The following ARID4B variants were observed in gnomAD, a reference collection of about 807,000 sequenced individuals.
ARID4B encodes the protein AT-rich interactive domain-containing protein 4B.
In ARID4B, 26 loss-of-function variants were observed where a neutral mutation model predicts 147.5. The ratio of observed to expected loss-of-function variants is 0.18; its 90% CI spans 0.13 to 0.24. ARID4B has a LOEUF of 0.24. ARID4B is among the 10% of genes least tolerant of loss of function. The pLI is 1.00. For missense variants in ARID4B, 1,179 were observed against 1,511.5 expected (o/e 0.78, Z 3.65); for synonymous variants, 512 against 507.9 (o/e 1.01, Z -0.11).
intron 7 of ARID4B, among the ~76,000 whole-genome samples, chr1:235,243,625 C>T (rs1001402833): frequency 6.6e-6 from 1 of 152,044 alleles, no homozygotes; most frequent in Non-Finnish European, 1.5e-5. Context: ...TCAAGAAAGA[C>T]GAACTTTAGA....
intron 7 of ARID4B, among the ~76,000 whole-genome samples, chr1:235,244,722 CA>C (rs1449302397): frequency 6.6e-6 from 1 of 152,166 alleles, no homozygotes; most frequent in Non-Finnish European, 1.5e-5. Flanking sequence ...GATAACTTTA[CA>C]TATCTTTGTA....
At chr1:235,229,511 G>T in intron 10 of ARID4B, 126 bp from the exon 11 acceptor site, 1 of 690,240 alleles carries the variant, frequency 1.4e-6, no homozygotes, top group Non-Finnish European at 2.4e-6. Context: ...TGTTTGCTAT[G>T]TACCAGAAAC....
At chr1:235,202,032 A>G (rs1665973739) in intron 17 of ARID4B, among the ~76,000 whole-genome samples, 1 of 150,404 alleles carries the variant, frequency 6.6e-6, no homozygotes. Flanking sequence ...ATATATACAC[A>G]ATATATACAT....
intron 2 of ARID4B, among the ~76,000 whole-genome samples, chr1:235,326,561 T>C (rs918250853): frequency 2.0e-5 from 3 of 152,248 alleles, no homozygotes; most frequent in African/African-American, 7.2e-5. Context: ...CTTTCATCAG[T>C]GTAACTGATA....
intron 2 of ARID4B, among the ~76,000 whole-genome samples, chr1:235,296,845 G>GGGAGAGAAA (rs1558289344): frequency 8.5e-6 from 1 of 117,956 alleles, no homozygotes; most frequent in African/African-American, 3.2e-5. Flanking sequence ...AAGGGAGGAA[G>GGGAGAGAAA]GAGGGAGGGA....
chr1:235,205,869 C>T (rs561487253), intron 17 of ARID4B, among the ~76,000 whole-genome samples: 2 of 152,148 alleles, frequency 1.3e-5, no homozygotes, highest in East Asian at 3.9e-4. Context: ...CAAGTGTTGA[C>T]AAGGCTGCAG....
intron 2 of ARID4B, among the ~76,000 whole-genome samples, chr1:235,268,370 T>C (rs796537079): frequency 2.7e-5 from 4 of 150,148 alleles, no homozygotes; most frequent in African/African-American, 9.8e-5. Context: ...TATATATACA[T>C]ACACACACAC....
intron 2 of ARID4B, among the ~76,000 whole-genome samples, chr1:235,265,456 T>C (rs1473817524): frequency 3.9e-5 from 6 of 151,986 alleles, no homozygotes; most frequent in Non-Finnish European, 7.4e-5. Context: ...CCCAGCACTT[T>C]AGGAAGCCTA....
chr1:235,288,308 CA>C (rs572383953), intron 2 of ARID4B, among the ~76,000 whole-genome samples: 147 of 141,604 alleles, frequency 1.0e-3, no homozygotes, highest in Non-Finnish European at 1.1e-3. Flanking sequence ...GACTCCATTT[CA>C]AAAAAAAAAA....
Position 235,244,383 on chromosome 1 carries a change from T to A in ARID4B, c.446+2037A>T, listed in dbSNP as rs145012278. Reference sequence around the variant, plus strand: ...TCCATAATTTCAGGTATTCTATTCTTCTGGATGACTTAAACACAATCGCTG... The same window carrying A: ...TCCATAATTTCAGGTATTCTATTCTACTGGATGACTTAAACACAATCGCTG... On this transcript the variant is annotated intron_variant, in intron 7 of 23. Transcript: ENST00000264183. Among the ~76,000 whole-genome samples the A allele has an allele frequency of 5.9e-3, 902 of 152,266 alleles. 13 individuals carry two copies. Among genetic ancestry groups the A allele is most frequent in the African/African-American group, 0.021 (859 of 41,556 alleles).
At chr1:235,239,775 C>T (rs1414547400) in intron 8 of ARID4B, among the ~76,000 whole-genome samples, 1 of 151,960 alleles carries the variant, frequency 6.6e-6, no homozygotes, top group South Asian at 2.1e-4. Flanking sequence ...AATATTCAAC[C>T]TGGAATCTAA....
chr1:235,181,744 G>C lies in ARID4B; in HGVS notation c.3175C>G (p.Arg1059Gly), dbSNP rs1664323618. Residue 1059 changes from arginine to glycine, a missense_variant, in exon 20 of 24, where the codon CGA (arginine) becomes GGA (glycine). Physicochemically the swap from Arg to Gly is moderately radical, Grantham distance 125. Around this residue, in one of 10 missense-constraint regions of ARID4B, gnomAD observed 357 missense variants for 427.3 expected, o/e 0.84. Transcript: ENST00000264183. ...EPLAPNQEEVRSIKSETDSTI... is the reference protein window; with the variant it reads ...EPLAPNQEEVGSIKSETDSTI... Reference sequence around the variant, plus strand: ...CTATCAGTTTCACTCTTGATACTTCGAACCTCTTCTTGGTTTGGAGCCAGT... The same window carrying C: ...CTATCAGTTTCACTCTTGATACTTCCAACCTCTTCTTGGTTTGGAGCCAGT... 1 of 1,614,082 alleles carries C rather than the reference G, an allele frequency of 6.2e-7. No individual in the cohort carries two copies.
chr1:235,230,443 A>T (rs1668129439), intron 10 of ARID4B, among the ~76,000 whole-genome samples: 1 of 150,822 alleles, frequency 6.6e-6, no homozygotes, highest in Non-Finnish European at 1.5e-5. Context: ...AAACAAAACA[A>T]AAAAAACAAC....
intron 2 of ARID4B, among the ~76,000 whole-genome samples, chr1:235,307,142 C>G (rs1673630749): frequency 6.6e-6 from 1 of 152,072 alleles, no homozygotes; most frequent in Non-Finnish European, 1.5e-5. Flanking sequence ...TAAGTCCATA[C>G]AAGTAAATAG....
Position 235,269,265 on chromosome 1 carries a change from G to A in ARID4B, c.7-8513C>T, listed in dbSNP as rs372945138. Among the ~76,000 whole-genome samples, 315 of 152,302 alleles carry A rather than the reference G, an allele frequency of 2.1e-3. 2 individuals carry two copies. Among genetic ancestry groups the A allele is most frequent in the African/African-American group, 7.2e-3 (301 of 41,570 alleles). On this transcript the variant is annotated intron_variant, in intron 2 of 23. Coordinates refer to ENST00000264183, the MANE Select transcript of ARID4B (RefSeq NM_016374.6). ...GTAACAGAACTGACAGAGAATCAGC[G>A]TTTGGCAACCATCATAAAGGTGGCT...
Position 235,191,870 on chromosome 1 carries a change from G to A in ARID4B, c.2125+2143C>T, listed in dbSNP as rs1375046374. ...GATGGATTGGATTGCTTGAGTCCAG[G>A]AGTTTGAGACAAGCCTGGGCAACAG... On this transcript the variant is annotated intron_variant, in intron 19 of 23. Coordinates refer to ENST00000264183, the MANE Select transcript of ARID4B (RefSeq NM_016374.6). 2.6e-5 allele frequency among the ~76,000 whole-genome samples: 4 copies of A among 152,140 alleles called. No homozygotes were observed. The East Asian group carries it at 5.8e-4, about 22-fold the overall frequency.
intron 2 of ARID4B, among the ~76,000 whole-genome samples, chr1:235,284,508 A>G (rs952307757): frequency 6.6e-5 from 10 of 152,066 alleles, no homozygotes; most frequent in African/African-American, 2.4e-4. Context: ...TAAAACCATA[A>G]TGTGATTATG....
At chr1:235,196,853 C>CAAAAA (rs34581094) in intron 17 of ARID4B, among the ~76,000 whole-genome samples, 4 of 88,556 alleles carry the variant, frequency 4.5e-5, no homozygotes, top group Non-Finnish European at 6.3e-5. Flanking sequence ...CTCTGTTTCA[C>CAAAAA]AAAAAAAAAA....
At chr1:235,271,294 G>A (rs1229631686) in intron 2 of ARID4B, among the ~76,000 whole-genome samples, 7 of 152,110 alleles carry the variant, frequency 4.6e-5, no homozygotes, top group African/African-American at 9.7e-5. Flanking sequence ...GGTTGTGGCC[G>A]CAGTGACTAT....
Sources: gnomAD v4.1 joint callset for allele counts (sites outside exome capture counted in the v4.1 genomes callset) on GRCh38, gnomAD v4.1.1 for gene constraint, gnomAD v4.1.1 regional missense constraint, MANE v1.5 for transcripts, NCBI Gene and HGNC (gene_info 2026-07-23, HGNC 2026-07-21) for gene names.